ACSL6: variants seen among roughly 807,000 people sequenced by gnomAD.
ACSL6 encodes long-chain-fatty-acid--CoA ligase 6.
A neutral mutation model predicts 98.2 loss-of-function variants in ACSL6; 47 were observed. The ratio of observed to expected loss-of-function variants is 0.48; its 90% CI spans 0.38 to 0.61. The LOEUF is 0.61. Ranked by LOEUF, ACSL6 falls within the 20% of genes least tolerant of loss-of-function variation. The pLI is 0.00. For missense variants in ACSL6, 761 were observed against 913.4 expected (o/e 0.83, Z 2.15); for synonymous variants, 362 against 336.9 (o/e 1.07, Z -0.82).
chr5:132,004,995 C>CA (rs1055703665), intron 1 of ACSL6, among the ~76,000 whole-genome samples: 7 of 151,860 alleles, frequency 4.6e-5, no homozygotes, highest in South Asian at 2.1e-4. Flanking sequence ...ACCAAAAATA[C>CA]AAAAAAATTA....
chr5:131,972,868 A>T lies in ACSL6; in HGVS notation c.1204-10T>A. On this transcript the variant is annotated splice_polypyrimidine_tract_variant and intron_variant, in intron 12 of 20. Coordinates refer to ENST00000651883, the MANE Select transcript of ACSL6 (RefSeq NM_001009185.3). Reference sequence around the variant, plus strand: ...TTGCCTGGCTGAAGATCTGAGGAACATAAGTTGGAAGCAGCTGTCAGAGCC... The same window carrying T: ...TTGCCTGGCTGAAGATCTGAGGAACTTAAGTTGGAAGCAGCTGTCAGAGCC... The T allele has an allele frequency of 6.2e-7, 1 of 1,614,178 alleles. No individual in the cohort carries two copies. Among genetic ancestry groups the T allele is most frequent in the Non-Finnish European group, 8.5e-7 (1 of 1,180,006 alleles).
chr5:132,004,661 G>A (rs542146456), intron 1 of ACSL6, among the ~76,000 whole-genome samples: 18 of 152,296 alleles, frequency 1.2e-4, no homozygotes, highest in African/African-American at 4.3e-4. Context: ...ACTTCAGAAT[G>A]ACCTAGAAAA....
intron 10 of ACSL6, chr5:131,975,273 G>A: frequency 6.5e-6 from 8 of 1,234,734 alleles, no homozygotes; most frequent in Non-Finnish European, 8.2e-6. Flanking sequence ...AGAGCCAAAT[G>A]AAGCACACAG....
intron 2 of ACSL6, 48 bp downstream of exon 2, chr5:131,993,983 T>C: frequency 6.3e-7 from 1 of 1,585,484 alleles, no homozygotes; most frequent in African/African-American, 1.3e-5. Flanking sequence ...AAGATGCCTG[T>C]CCTCTGCCCC....
At chr5:131,960,293 C>T (rs759663819) in intron 19 of ACSL6, among the ~76,000 whole-genome samples, 1 of 152,172 alleles carries the variant, frequency 6.6e-6, no homozygotes, top group Non-Finnish European at 1.5e-5. Context: ...TCTGTGATGT[C>T]TCCTGGCTTA....
rs1250888630 is a variant in ACSL6, at chr5:131,994,071, T to C, written c.230A>G (p.Gln77Arg). 3.1e-6 allele frequency: 5 copies of C among 1,614,128 alleles called. No homozygotes were observed. Among genetic ancestry groups the C allele is most frequent in the Non-Finnish European group, 4.2e-6 (5 of 1,180,040 alleles). Reference protein sequence around the residue: ...YWFTHRPKALQPPCNLLMQSE... With the variant: ...YWFTHRPKALRPPCNLLMQSE... ...CTGCATCAGGAGGTTGCATGGCGGCTGCAAGGCCTTTGGCCGGTGAGTGAA... is the reference window on the plus strand; with the variant it reads ...CTGCATCAGGAGGTTGCATGGCGGCCGCAAGGCCTTTGGCCGGTGAGTGAA... The change falls in exon 2 of 21, where the codon CAG becomes CGG. Residue 77 changes from glutamine (Q) to arginine (R), a missense_variant. Physicochemically the swap from Gln to Arg is conservative, Grantham distance 43 (BLOSUM62 1). Coordinates refer to ENST00000651883, the MANE Select transcript of ACSL6 (RefSeq NM_001009185.3).
chr5:131,978,744 T>G (rs572122291), intron 9 of ACSL6, among the ~76,000 whole-genome samples: 2 of 152,288 alleles, frequency 1.3e-5, no homozygotes, highest in African/African-American at 4.8e-5. Context: ...CGGCACAAAT[T>G]TAAAGGCACG....
rs1384349588 is a variant in ACSL6 at position 131,966,498 on chromosome 5, T to C, written c.1631A>G (p.Tyr544Cys). The change falls in exon 17 of 21, where the codon TAC becomes TGC. Residue 544 changes from tyrosine (Y) to cysteine (C), a missense_variant. Physicochemically the swap from Tyr to Cys is radical, Grantham distance 194. Transcript: ENST00000651883. ...CTTCGTCCTGTCTGGATCTTTCAAG[T>C]AGCCTTTGAACACATTTGGTCCTCT... ...CVRGPNVFKG[Y>C]LKDPDRTKEA... is the part of the protein sequence containing the mutation. 5.6e-6 allele frequency: 9 copies of C among 1,614,166 alleles called. No homozygotes were observed. The highest frequency in any genetic ancestry group is 3.3e-5 in the Admixed American group (2 of 60,020).
At chr5:131,997,985 C>A (rs576892952) in intron 1 of ACSL6, among the ~76,000 whole-genome samples, 1 of 152,204 alleles carries the variant, frequency 6.6e-6, no homozygotes, top group Non-Finnish European at 1.5e-5. Flanking sequence ...GCCACCAAGC[C>A]TTTGACATGG....
At chr5:131,960,152 G>C (rs1397139915) in intron 19 of ACSL6, among the ~76,000 whole-genome samples, 1 of 152,176 alleles carries the variant, frequency 6.6e-6, no homozygotes, top group Non-Finnish European at 1.5e-5. Context: ...ATCTGAAGGA[G>C]CATGGCAGGT....
At chr5:131,959,158 C>A (rs1752571440) in intron 20 of ACSL6, among the ~76,000 whole-genome samples, 1 of 152,170 alleles carries the variant, frequency 6.6e-6, no homozygotes, top group South Asian at 2.1e-4. Context: ...CCAGTGTCCT[C>A]CTAACAAGTA....
chr5:131,962,860 A>C (rs994849935), intron 17 of ACSL6, among the ~76,000 whole-genome samples, 182 bp from the exon 18 acceptor site: 5 of 151,806 alleles, frequency 3.3e-5, no homozygotes, highest in African/African-American at 1.2e-4. Flanking sequence ...TGTACACCGC[A>C]GGTTGATGGC....
intron 10 of ACSL6, chr5:131,976,059 G>A (rs1427960083): frequency 1.0e-6 from 1 of 985,436 alleles, no homozygotes; most frequent in Non-Finnish European, 1.2e-6. Context: ...ACTCCTTTAT[G>A]CTGAAGGAAA....
At chr5:131,992,090 G>T (rs1264232432) in intron 2 of ACSL6, among the ~76,000 whole-genome samples, 1 of 152,208 alleles carries the variant, frequency 6.6e-6, no homozygotes, top group Non-Finnish European at 1.5e-5. Context: ...GGGCTTCGAA[G>T]GATGGATGGG....
chr5:131,994,329 T>G (rs1754682305), intron 1 of ACSL6, 78 bp from the exon 2 acceptor site: 2 of 1,260,800 alleles, frequency 1.6e-6, no homozygotes, highest in Non-Finnish European at 1.1e-6. Context: ...CAGGACCTGA[T>G]ATCTGGTCTG....
At chr5:131,999,014 C>T (rs527933209) in intron 1 of ACSL6, among the ~76,000 whole-genome samples, 11 of 152,230 alleles carry the variant, frequency 7.2e-5, no homozygotes, top group South Asian at 2.1e-4. Context: ...GTCTTCAAAA[C>T]GGGTGGGGAA....
At chr5:131,974,616 G>A (rs1186872835) in intron 11 of ACSL6, 79 of 923,124 alleles carry the variant, frequency 8.6e-5, no homozygotes, top group Non-Finnish European at 6.6e-5. Context: ...GGTGGCTAAA[G>A]TCCTCTGAGC....
Position 132,011,409 on chromosome 5 carries a change from T to C in ACSL6, c.49+96A>G. ...CAGCTCAGCAGCAGGGGATGGGGGC[T>C]CGGCGGCCGCGGAGATGTAACACCT... On this transcript the variant is annotated intron_variant, in intron 1 of 20. Transcript: ENST00000651883. The surrounding 1 kb of genome is among the most constrained non-coding windows in gnomAD (Gnocchi z 5.4). The C allele has an allele frequency of 7.4e-7, 1 of 1,354,722 alleles. No homozygotes were observed. Among genetic ancestry groups the C allele is most frequent in the Non-Finnish European group, 1.0e-6 (1 of 956,074 alleles). The allele number at this position is 1,354,722 out of a possible 1,614,324, so 83.9% of individuals were successfully genotyped here. A position where few individuals can be genotyped will look rare whatever the true frequency, so the allele number is the denominator to read the frequency against.
intron 4 of ACSL6, among the ~76,000 whole-genome samples, 170 bp downstream of exon 4, chr5:131,989,930 C>T (rs1580678699): frequency 6.6e-6 from 1 of 152,248 alleles, no homozygotes; most frequent in Non-Finnish European, 1.5e-5. Flanking sequence ...CCCTGACTTC[C>T]AACCCGGGTA....
Sources: gnomAD v4.1 joint callset for allele counts (sites outside exome capture counted in the v4.1 genomes callset) on GRCh38, gnomAD v4.1.1 for gene constraint, Gnocchi (gnomAD v3.1) non-coding constraint, MANE v1.5 for transcripts, NCBI Gene and HGNC (gene_info 2026-07-23, HGNC 2026-07-21) for gene names.